CLSTN3: variants seen among roughly 807,000 people sequenced by gnomAD.
The protein encoded by CLSTN3 is calsyntenin-3.
Under a neutral mutation model 95.9 loss-of-function variants are expected in CLSTN3, and 36 were observed. That is an observed-to-expected ratio of 0.38 (90% CI 0.29 to 0.50). The LOEUF (loss-of-function observed/expected upper bound fraction) is 0.50, where lower values mean the gene tolerates loss of function less well. Among genes scored for constraint, CLSTN3 ranks in the 20% least tolerant of loss-of-function variants. The probability of loss-of-function intolerance (pLI) is 0.95; values close to 1 mark genes in which losing one functional copy is unlikely to be tolerated. For synonymous variants in CLSTN3, 481 were observed against 504.0 expected (o/e 0.95, Z 0.61); for missense variants, 1,084 against 1,268.8 (o/e 0.85, Z 2.21).
chr12:7,148,827 G>T, intron 12 of CLSTN3, 145 bp from the exon 13 acceptor site: 1 of 681,282 alleles, frequency 1.5e-6, no homozygotes, highest in Non-Finnish European at 2.5e-6. Context: ...GGGATGCAGA[G>T]GCATGACCCC....
At chr12:7,136,477 C>A in intron 6 of CLSTN3, 86 bp downstream of exon 6, 1 of 1,265,192 alleles carries the variant, frequency 7.9e-7, no homozygotes, top group Non-Finnish European at 1.1e-6. Flanking sequence ...CTTTACATCA[C>A]CACTGGCCAT....
intron 9 of CLSTN3, 70 bp from the exon 10 acceptor site, chr12:7,142,015 CA>C: frequency 8.2e-7 from 1 of 1,218,898 alleles, no homozygotes; most frequent in Non-Finnish European, 1.2e-6. Context: ...GAAGACATCT[CA>C]TTCCTCTCTG....
intron 8 of CLSTN3, among the ~76,000 whole-genome samples, chr12:7,139,656 A>T (rs4013710): frequency 0.14 from 19,703 of 143,014 alleles, 1,503 homozygotes; most frequent in East Asian, 0.29. Context: ...TATTATTATT[A>T]TTTTTTTTTT....
At chr12:7,129,722 T>C (rs1269183794), upstream of CLSTN3, 15 of 985,384 alleles carry the variant, frequency 1.5e-5, no homozygotes, top group Non-Finnish European at 1.8e-5. The surrounding 1 kb of genome is among the most constrained non-coding windows in gnomAD (Gnocchi z 5.5). Context: ...CCTGCCATCG[T>C]CCCGGGCTTC....
intron 12 of CLSTN3, among the ~76,000 whole-genome samples, chr12:7,144,837 C>G (rs1174934485): frequency 5.3e-5 from 8 of 152,068 alleles, no homozygotes; most frequent in African/African-American, 1.2e-4. Context: ...TGTGGAAGGC[C>G]CCGGGCTGTG....
chr12:7,131,889 A>G lies in CLSTN3; in HGVS notation c.65-1135A>G, dbSNP rs892122562. 40 of 456,300 alleles carry G rather than the reference A, an allele frequency of 8.8e-5. 2 individuals carry two copies. Among genetic ancestry groups the G allele is most frequent in the South Asian group, 6.0e-4 (39 of 64,568 alleles). The allele number at this position is 456,300 out of a possible 1,614,324, so 28.3% of individuals were successfully genotyped here. Reference sequence around the variant, plus strand: ...GCTTGCTGGTGTGTGGTTGGAGGAAAGAATGGAAATCAGGGTTTCTTGCTC... The same window carrying G: ...GCTTGCTGGTGTGTGGTTGGAGGAAGGAATGGAAATCAGGGTTTCTTGCTC... On this transcript the variant is annotated intron_variant, in intron 1 of 17. Coordinates refer to ENST00000266546, the MANE Select transcript of CLSTN3 (RefSeq NM_014718.4).
chr12:7,142,593 G>C (rs774764821), intron 10 of CLSTN3, among the ~76,000 whole-genome samples: 1 of 150,998 alleles, frequency 6.6e-6, no homozygotes, highest in East Asian at 1.9e-4. Context: ...CATCTTTGTT[G>C]CTTCTACTTT....
At chr12:7,132,800 T>A (rs1484259578) in intron 1 of CLSTN3, 1 of 615,074 alleles carries the variant, frequency 1.6e-6, no homozygotes, top group African/African-American at 1.8e-5. Flanking sequence ...CCATGGGAAC[T>A]GTCTACCCTG....
At chr12:7,135,256 G>C in intron 3 of CLSTN3, 71 bp from the exon 4 acceptor site, 2 of 1,438,062 alleles carry the variant, frequency 1.4e-6, no homozygotes, top group Admixed American at 1.7e-5. Flanking sequence ...CTGTATCAAG[G>C]CTGTATCTCA....
intron 8 of CLSTN3, among the ~76,000 whole-genome samples, chr12:7,140,642 C>A (rs1429144460): frequency 6.6e-6 from 1 of 152,102 alleles, no homozygotes; most frequent in Admixed American, 6.5e-5. Context: ...TAGAAGCTAT[C>A]CTAGAGATAA....
At chr12:7,134,728 C>T (rs140452750) in intron 3 of CLSTN3, among the ~76,000 whole-genome samples, 95 of 152,352 alleles carry the variant, frequency 6.2e-4, no homozygotes, top group African/African-American at 2.1e-3. Context: ...TGCTTATCCC[C>T]CCGGATCTGA....
rs1470621730 is a variant in CLSTN3 at position 7,149,217 on chromosome 12, A to C, written c.2074+19A>C. ...GGCACAGGTAAGGACGACTTCGGGG[A>C]GTAACACCATCCAGAGAACCAGCCA... On this transcript the variant is annotated intron_variant, in intron 13 of 17. Transcript: ENST00000266546. This position sits in a 1 kb window ranked among gnomAD's most constrained non-coding sequence, Gnocchi z 4.5. 6.3e-7 allele frequency: 1 copy of C among 1,599,368 alleles called. No homozygotes were observed. The highest frequency in any genetic ancestry group is 2.2e-5 in the East Asian group (1 of 44,618).
intron 1 of CLSTN3, chr12:7,131,732 T>A: frequency 2.2e-6 from 1 of 448,950 alleles, no homozygotes; most frequent in Non-Finnish European, 4.4e-6. Context: ...CCTGCATCTC[T>A]GACCTCAGCC....
rs543267102 is a variant in CLSTN3, at chr12:7,149,207, G to A, written c.2074+9G>A. ...GAGTTGGCAGGGCACAGGTAAGGAC[G>A]ACTTCGGGGAGTAACACCATCCAGA... On this transcript the variant is annotated intron_variant, in intron 13 of 17. Coordinates refer to ENST00000266546, the MANE Select transcript of CLSTN3 (RefSeq NM_014718.4). The surrounding 1 kb of genome is among the most constrained non-coding windows in gnomAD (Gnocchi z 4.5). 11 of 1,608,944 alleles carry A rather than the reference G, an allele frequency of 6.8e-6. No homozygotes were observed. The highest frequency in any genetic ancestry group is 2.2e-5 in the East Asian group (1 of 44,812).
At position 7,136,165 on chromosome 12, in the gene CLSTN3, C is replaced by T. The variant is rs755146842; in HGVS notation, c.743-41C>T. 2.5e-6 allele frequency: 4 copies of T among 1,593,606 alleles called. No individual in the cohort carries two copies. In the South Asian group the frequency reaches 3.4e-5, roughly 14 times the overall value. ...GCATGGAGAGGGGAGGCTGCTTTAC[C>T]CTTCTCTCTCCCCATCACCCTCTCT... On this transcript the variant is annotated intron_variant, in intron 5 of 17. Coordinates refer to ENST00000266546, the MANE Select transcript of CLSTN3 (RefSeq NM_014718.4).
At chr12:7,138,208 C>G (rs1353195836) in intron 8 of CLSTN3, 141 bp downstream of exon 8, 1 of 577,314 alleles carries the variant, frequency 1.7e-6, no homozygotes, top group Non-Finnish European at 3.1e-6. Flanking sequence ...CCTGACCATT[C>G]TACTCCCAGG....
chr12:7,149,543 G>A lies in CLSTN3; in HGVS notation c.2095G>A (p.Asp699Asn). ...QGTVTDTRMS[D>N]EIVHNLDGCE... is the part of the protein sequence containing the mutation. ...CCCAGTGACAGACACACGCATGTCG[G>A]ATGAGATTGTGCACAACCTGGATGG... Residue 699 changes from aspartate to asparagine, a missense_variant, in exon 14 of 18, where the codon GAT becomes AAT. By Grantham distance (23) the Asp-to-Asn change is conservative. Transcript: ENST00000266546. The surrounding 1 kb of genome is among the most constrained non-coding windows in gnomAD (Gnocchi z 4.5). The A allele has an allele frequency of 6.2e-7, 1 of 1,613,906 alleles. No homozygotes were observed. Among genetic ancestry groups the A allele is most frequent in the Non-Finnish European group, 8.5e-7 (1 of 1,179,864 alleles).
At chr12:7,142,608 CCTT>C (rs1396821379) in intron 10 of CLSTN3, among the ~76,000 whole-genome samples, 1 of 151,788 alleles carries the variant, frequency 6.6e-6, no homozygotes, top group East Asian at 1.9e-4. Flanking sequence ...TACTTTTCAC[CCTT>C]CTTCTTCTCC....
intron 1 of CLSTN3, chr12:7,131,181 G>C (rs1939292536): frequency 4.0e-6 from 1 of 250,532 alleles, no homozygotes. Flanking sequence ...GCAATTCGGA[G>C]CACGTATGTT....
Sources: allele counts gnomAD v4.1 joint callset (sites outside exome capture counted in the v4.1 genomes callset), GRCh38; gene constraint gnomAD v4.1.1; non-coding constraint Gnocchi (gnomAD v3.1); transcripts MANE v1.5; gene names NCBI Gene and HGNC (gene_info 2026-07-23, HGNC 2026-07-21).